The following FAT1 variants were observed in gnomAD, a reference collection of about 807,000 sequenced individuals.
The protein encoded by FAT1 is protocadherin Fat 1.
A neutral mutation model predicts 329.8 loss-of-function variants in FAT1; 171 were observed. The ratio of observed to expected loss-of-function variants is 0.52; its 90% CI spans 0.46 to 0.59. The LOEUF (loss-of-function observed/expected upper bound fraction) is 0.59, where lower values mean the gene tolerates loss of function less well. FAT1 is among the 20% of genes least tolerant of loss of function. The pLI is 0.00. For synonymous variants in FAT1, 2,233 were observed against 2,228.6 expected (o/e 1.00, Z -0.06); for missense variants, 5,672 against 5,774.4 (o/e 0.98, Z 0.57).
At chr4:186,609,386 T>G in intron 15 of FAT1, 66 bp from the exon 16 acceptor site, 1 of 1,537,154 alleles carries the variant, frequency 6.5e-7, no homozygotes, top group Non-Finnish European at 8.8e-7. Flanking sequence ...TACACAAAAT[T>G]TGTGATATTA....
intron 3 of FAT1, among the ~76,000 whole-genome samples, chr4:186,653,326 CT>C (rs545939820): frequency 1.1e-3 from 171 of 152,280 alleles, no homozygotes; most frequent in Non-Finnish European, 2.2e-3. Context: ...TACTAACCAA[CT>C]TGCAAAATCG....
In FAT1 at chr4:186,604,471, T is replaced by A. The variant is rs2126439023; in HGVS notation, c.10454A>T (p.Asp3485Val). Reference protein sequence around the residue: ...PFFFTIVTGNDEKAFEVNPQG... With the variant: ...PFFFTIVTGNVEKAFEVNPQG... The stretch of plus-strand genomic sequence containing the variant: ...CGGGTTAACTTCAAAAGCCTTCTCA[T>A]CATTTCCAGTTACAATAGTAAAGAA... The change falls in exon 18 of 27, where the codon GAT becomes GTT. Residue 3485 changes from aspartate to valine, a missense_variant. By Grantham distance (152) the Asp-to-Val change is radical. Transcript: ENST00000441802. 1.2e-6 allele frequency: 2 copies of A among 1,613,926 alleles called. No homozygotes were observed. Among genetic ancestry groups the A allele is most frequent in the South Asian group, 2.2e-5 (2 of 91,086 alleles).
intron 3 of FAT1, among the ~76,000 whole-genome samples, chr4:186,654,498 G>GA (rs1222241538): frequency 6.6e-6 from 1 of 152,140 alleles, no homozygotes; most frequent in Non-Finnish European, 1.5e-5. Flanking sequence ...CTCTCCAAGG[G>GA]AACAGGCATG....
intron 2 of FAT1, among the ~76,000 whole-genome samples, chr4:186,665,632 T>C (rs570922915): frequency 1.3e-5 from 2 of 152,170 alleles, no homozygotes; most frequent in Non-Finnish European, 2.9e-5. Context: ...TTTCTCCCAT[T>C]CTGTAGGTTG....
intron 15 of FAT1, 104 bp from the exon 16 acceptor site, chr4:186,609,424 GTTTTTTTTTTGAGAT>G: frequency 8.5e-7 from 1 of 1,182,546 alleles, no homozygotes; most frequent in Non-Finnish European, 1.1e-6. Flanking sequence ...TTTTGTTGTT[GTTTTTTTTTTGAGAT>G]GGAGCCTTGC....
intron 2 of FAT1, among the ~76,000 whole-genome samples, chr4:186,667,592 A>C (rs1742517421): frequency 6.6e-6 from 1 of 152,192 alleles, no homozygotes; most frequent in African/African-American, 2.4e-5. Flanking sequence ...GAGAACTATA[A>C]AGTAAATTTC....
Position 186,613,136 on chromosome 4 carries a change from T to C in FAT1, c.9436A>G (p.Arg3146Gly), listed in dbSNP as rs762985490. 11 of 1,612,628 alleles carry C rather than the reference T, an allele frequency of 6.8e-6. No homozygotes were observed. Among genetic ancestry groups the C allele is most frequent in the South Asian group, 1.1e-5 (1 of 91,078 alleles). ...GCGTCGGCATCTGTGGCCTGCACTC[T>C]TGTCAGCAGCGTTCCCGGCTCTGTG... ...ENTEPGTLLT[R>G]VQATDADAGL... Residue 3146 changes from arginine (R) to glycine (G), a missense_variant, in exon 13 of 27, where the codon AGA (arginine) becomes GGA (glycine). By Grantham distance (125) the Arg-to-Gly change is moderately radical (BLOSUM62 -2). Around this residue, in one of 2 missense-constraint regions of FAT1, gnomAD observed 3,966 missense variants for 3,915.2 expected, o/e 1.01. Transcript: ENST00000441802.
rs180934855 is a variant in FAT1, at chr4:186,642,966, G to C, written c.3581-3183C>G. Among the ~76,000 whole-genome samples, 62 of 152,338 alleles carry C rather than the reference G, an allele frequency of 4.1e-4. 1 individual carries two copies. The highest frequency in any genetic ancestry group is 1.5e-3 in the African/African-American group (61 of 41,578). ...AAAAGAGAAAGTGAGGCAGGAAGTA[G>C]ACCAGGAGAAGTATTACTTTTACGA... On this transcript the variant is annotated intron_variant, in intron 3 of 26. Transcript: ENST00000441802.
intron 2 of FAT1, among the ~76,000 whole-genome samples, chr4:186,675,292 GA>G (rs1344013237): frequency 6.7e-6 from 1 of 148,182 alleles, no homozygotes; most frequent in Non-Finnish European, 1.5e-5. Flanking sequence ...CTTTAGGAAA[GA>G]AATCTCATTA....
At chr4:186,716,393 A>G (rs907948861) in intron 1 of FAT1, among the ~76,000 whole-genome samples, 3 of 151,990 alleles carry the variant, frequency 2.0e-5, no homozygotes, top group African/African-American at 7.2e-5. Flanking sequence ...TCAGTGTCAC[A>G]TTTTTAAAGT....
intron 2 of FAT1, among the ~76,000 whole-genome samples, chr4:186,703,402 A>G (rs552507214): frequency 7.9e-5 from 12 of 152,352 alleles, no homozygotes; most frequent in African/African-American, 2.9e-4. Flanking sequence ...AGATCTTAAA[A>G]TAGAACTTCA....
chr4:186,641,902 G>A (rs1741113480), intron 3 of FAT1, among the ~76,000 whole-genome samples: 2 of 151,982 alleles, frequency 1.3e-5, no homozygotes, highest in South Asian at 2.1e-4. Flanking sequence ...AGCTACTCAG[G>A]AGGCTGAGGC....
chr4:186,670,832 C>G (rs929892643), intron 2 of FAT1, among the ~76,000 whole-genome samples: 1 of 151,964 alleles, frequency 6.6e-6, no homozygotes, highest in Non-Finnish European at 1.5e-5. Context: ...ACCAGAGAGA[C>G]GTAACTAAAT....
chr4:186,722,185 T>C (rs1336150110), intron 1 of FAT1, among the ~76,000 whole-genome samples: 3 of 152,218 alleles, frequency 2.0e-5, no homozygotes, highest in Non-Finnish European at 4.4e-5. Flanking sequence ...ACCATGGATT[T>C]AAATGATCTA....
intron 2 of FAT1, among the ~76,000 whole-genome samples, chr4:186,702,057 G>C (rs960118460): frequency 2.3e-5 from 3 of 128,668 alleles, no homozygotes; most frequent in African/African-American, 9.9e-5. Flanking sequence ...GTGACACAGG[G>C]ATGAGGCCAG....
chr4:186,587,930 G>GT lies in FAT1; in HGVS notation c.*661dup, dbSNP rs1738033811. ...TCATGGTGGTTTTGGTTCTAAACAG[G>GT]TATGCAGAAGGTCCCCGTTACACTT... On this transcript the variant is annotated 3_prime_UTR_variant, in exon 27 of 27. Coordinates refer to ENST00000441802, the MANE Select transcript of FAT1 (RefSeq NM_005245.4). 1 of 218,000 alleles carries GT rather than the reference G, an allele frequency of 4.6e-6. No homozygotes were observed. Among genetic ancestry groups the GT allele is most frequent in the African/African-American group, 2.3e-5 (1 of 44,382 alleles). The allele number at this position is 218,000 out of a possible 1,614,324, so 13.5% of individuals were successfully genotyped here.
At chr4:186,700,173 C>T (rs1171257147) in intron 2 of FAT1, among the ~76,000 whole-genome samples, 1 of 152,170 alleles carries the variant, frequency 6.6e-6, no homozygotes, top group South Asian at 2.1e-4. Flanking sequence ...GTACAAATCA[C>T]GTTAGCTTTG....
At chr4:186,593,293 GTACGAGTATA>G (rs1738330837) in intron 26 of FAT1, among the ~76,000 whole-genome samples, 1 of 152,190 alleles carries the variant, frequency 6.6e-6, no homozygotes, top group Middle Eastern at 3.2e-3. Context: ...GTGAGCTAAT[GTACGAGTATA>G]GGAGGAGACT....
At chr4:186,700,557 A>G (rs1350600852) in intron 2 of FAT1, among the ~76,000 whole-genome samples, 2 of 152,224 alleles carry the variant, frequency 1.3e-5, no homozygotes, top group Non-Finnish European at 2.9e-5. Flanking sequence ...CATCGAATCT[A>G]GGATTCAAGG....
Sources: allele counts gnomAD v4.1 joint callset (sites outside exome capture counted in the v4.1 genomes callset), GRCh38; gene constraint gnomAD v4.1.1; regional missense constraint gnomAD v4.1.1; transcripts MANE v1.5; gene names NCBI Gene and HGNC (gene_info 2026-07-23, HGNC 2026-07-21).